The following TENM3 variants were observed in gnomAD, a reference collection of about 807,000 sequenced individuals.
TENM3 encodes the protein teneurin-3.
TENM3 carries 63 observed loss-of-function variants against 255.1 expected under a neutral mutation model. That is an observed-to-expected ratio of 0.25 (90% CI 0.20 to 0.30). TENM3 has a LOEUF of 0.30. Ranked by LOEUF, TENM3 falls within the 10% of genes least tolerant of loss-of-function variation. The pLI is 1.00. For synonymous variants in TENM3, 1,306 were observed against 1,322.3 expected, an observed-to-expected ratio of 0.99 and a Z score of 0.27; for missense variants, 2,929 against 3,461.1, an observed-to-expected ratio of 0.85 and a Z score of 3.86.
At chr4:181,758,239 G>A in the TENM3 span, among the ~76,000 whole-genome samples, 2 of 152,310 alleles carry the variant, frequency 1.3e-5, no homozygotes, top group Admixed American at 6.5e-5. Flanking sequence ...GGACATGTAT[G>A]GGATAAAGGA....
At chr4:182,682,608 G>A (rs947686388) in intron 11 of TENM3, among the ~76,000 whole-genome samples, 3 of 152,136 alleles carry the variant, frequency 2.0e-5, no homozygotes, top group South Asian at 2.1e-4. Context: ...TTAACAAATC[G>A]TGTCTGCCCT....
chr4:182,096,691 C>G, the TENM3 span, among the ~76,000 whole-genome samples: 2 of 152,104 alleles, frequency 1.3e-5, no homozygotes, highest in African/African-American at 4.8e-5. Context: ...ATAAAGACCG[C>G]CTTTAGTCTT....
chr4:181,654,297 C>T, the TENM3 span, among the ~76,000 whole-genome samples: 1 of 151,246 alleles, frequency 6.6e-6, no homozygotes, highest in Non-Finnish European at 1.5e-5. Context: ...GTGATTTGGC[C>T]TCATTAAGAA....
intron 1 of TENM3, among the ~76,000 whole-genome samples, chr4:182,169,104 CGT>C (rs1751929166): frequency 6.6e-6 from 1 of 151,396 alleles, no homozygotes; most frequent in African/African-American, 2.4e-5. Flanking sequence ...CACACACACA[CGT>C]GGGTGTGAAT....
the TENM3 span, among the ~76,000 whole-genome samples, chr4:181,469,635 T>C: frequency 6.6e-6 from 1 of 151,874 alleles, no homozygotes; most frequent in East Asian, 1.9e-4. Flanking sequence ...TTTTGAAATG[T>C]CTGTAGCCTT....
the TENM3 span, among the ~76,000 whole-genome samples, chr4:181,545,076 A>G: frequency 6.6e-6 from 1 of 152,176 alleles, no homozygotes; most frequent in Non-Finnish European, 1.5e-5. Flanking sequence ...GGTGAACTTC[A>G]AGTACATCAG....
At chr4:181,963,873 G>A in the TENM3 span, among the ~76,000 whole-genome samples, 1 of 152,092 alleles carries the variant, frequency 6.6e-6, no homozygotes, top group Non-Finnish European at 1.5e-5. Context: ...TTAATTTGGG[G>A]TAGTTAACAC....
At chr4:182,551,989 G>T (rs1163773098) in intron 3 of TENM3, among the ~76,000 whole-genome samples, 5 of 149,130 alleles carry the variant, frequency 3.4e-5, no homozygotes, top group African/African-American at 1.2e-4. Flanking sequence ...TGACACCACT[G>T]CACTCCAGCC....
At chr4:181,547,419 T>G in the TENM3 span, among the ~76,000 whole-genome samples, 1 of 152,136 alleles carries the variant, frequency 6.6e-6, no homozygotes, top group Admixed American at 6.5e-5. Flanking sequence ...ATAATCTATG[T>G]TATTTAGAGG....
chr4:182,561,481 C>G (rs1160131687), intron 3 of TENM3, among the ~76,000 whole-genome samples: 1 of 150,782 alleles, frequency 6.6e-6, no homozygotes, highest in East Asian at 1.9e-4. Context: ...CAAATTTTCC[C>G]TGGGTAATGG....
the TENM3 span, among the ~76,000 whole-genome samples, chr4:182,025,020 ATTTT>A: frequency 2.5e-5 from 3 of 121,116 alleles, no homozygotes; most frequent in South Asian, 2.6e-4. Context: ...ACAGGATTTC[ATTTT>A]TTTTTTTTTT....
intron 26 of TENM3, among the ~76,000 whole-genome samples, chr4:182,795,125 C>T (rs1766406405): frequency 6.6e-6 from 1 of 152,150 alleles, no homozygotes; most frequent in Admixed American, 6.5e-5. Flanking sequence ...CTGCTTCCTA[C>T]CTTTCCAGAC....
At chr4:182,737,135 A>G in intron 17 of TENM3, 60 bp downstream of exon 17, 1 of 1,530,150 alleles carries the variant, frequency 6.5e-7, no homozygotes, top group African/African-American at 1.4e-5. Flanking sequence ...AACTATCATA[A>G]ATTAATTGTA....
the TENM3 span, among the ~76,000 whole-genome samples, chr4:181,556,530 T>TA: frequency 6.6e-6 from 1 of 152,204 alleles, no homozygotes; most frequent in African/African-American, 2.4e-5. Context: ...GTTAAAGACT[T>TA]ACATCATTTA....
chr4:182,799,179 A>C lies in TENM3; in HGVS notation c.7345-417A>C, dbSNP rs1333291651. Among the ~76,000 whole-genome samples the C allele has an allele frequency of 6.6e-6, 1 of 152,150 alleles. No homozygotes were observed. The highest frequency in any genetic ancestry group is 1.5e-5 in the Non-Finnish European group (1 of 68,016). The stretch of plus-strand genomic sequence containing the variant: ...CCTGTGATCGGCACTAAGTATCCCC[A>C]GCCGTTCAGATCCCTCTCTGTGTTT... On this transcript the variant is annotated intron_variant, in intron 27 of 27. Transcript: ENST00000511685. The surrounding 1 kb of genome is among the most constrained non-coding windows in gnomAD (Gnocchi z 4.2).
intron 1 of TENM3, among the ~76,000 whole-genome samples, chr4:182,145,840 A>G (rs1421094116): frequency 6.6e-6 from 1 of 152,216 alleles, no homozygotes. Context: ...GTATTTTGTC[A>G]AACATTGGTA....
At chr4:182,195,877 AG>A (rs1753806644) in intron 1 of TENM3, among the ~76,000 whole-genome samples, 1 of 152,156 alleles carries the variant, frequency 6.6e-6, no homozygotes, top group Middle Eastern at 3.2e-3. Context: ...TTATATTCTC[AG>A]AAAAAAAAAT....
chr4:182,754,780 C>T lies in TENM3; in HGVS notation c.4413C>T (p.Leu1471=). ...ATGGCTACGCCAAGGATGCCAAACT[C>T]AGTGCCCCATCCTCCCTGGCTGCTT... ...SGDGYAKDAK[L]SAPSSLAASP... The change falls in exon 22 of 28, where the codon CTC becomes CTT. Residue 1471 remains leucine, a synonymous_variant. Transcript: ENST00000511685. This position sits in a 1 kb window ranked among gnomAD's most constrained non-coding sequence, Gnocchi z 5.1. The T allele has an allele frequency of 6.2e-7, 1 of 1,614,078 alleles. No homozygotes were observed. The highest frequency in any genetic ancestry group is 1.1e-5 in the South Asian group (1 of 91,088).
chr4:181,514,787 A>G, the TENM3 span, among the ~76,000 whole-genome samples: 1 of 152,214 alleles, frequency 6.6e-6, no homozygotes, highest in Admixed American at 6.5e-5. Context: ...ACATTCTGAC[A>G]TTTATTATTG....
Sources: allele counts gnomAD v4.1 joint callset (sites outside exome capture counted in the v4.1 genomes callset), GRCh38; gene constraint gnomAD v4.1.1; non-coding constraint Gnocchi (gnomAD v3.1); transcripts MANE v1.5; gene names NCBI Gene and HGNC (gene_info 2026-07-23, HGNC 2026-07-21).